COL23A1: variants seen among roughly 807,000 people sequenced by gnomAD.
COL23A1 encodes collagen type XXIII alpha 1 chain, also known as collagen alpha-1(XXIII) chain.
In COL23A1, 97 loss-of-function variants were observed where a neutral mutation model predicts 99.3. The observed-to-expected ratio is 0.98, with a 90% CI of 0.83 to 1.16. COL23A1 has a LOEUF of 1.16. COL23A1 is among the 50% of genes most tolerant of loss of function. The pLI is 0.00. For missense variants in COL23A1, 762 were observed against 757.4 expected (o/e 1.01, Z -0.07); for synonymous variants, 320 against 308.2 (o/e 1.04, Z -0.40).
At chr5:178,582,057 G>A (rs1286972170) in intron 1 of COL23A1, among the ~76,000 whole-genome samples, 2 of 151,700 alleles carry the variant, frequency 1.3e-5, no homozygotes, top group African/African-American at 2.4e-5. Context: ...TGCGGGGCAG[G>A]GGGAACAGGT....
intron 5 of COL23A1, among the ~76,000 whole-genome samples, chr5:178,285,102 C>A (rs1757084853): frequency 1.3e-5 from 2 of 152,214 alleles, no homozygotes; most frequent in South Asian, 4.1e-4. Context: ...ACAGGGCGAG[C>A]CGGGCCCTTG....
Position 178,384,373 on chromosome 5 carries a change from C to T in COL23A1, c.362-77454G>A, listed in dbSNP as rs555977659. The stretch of plus-strand genomic sequence containing the variant: ...CGAGGTGTTGGCTGCTCAGTCTTGA[C>T]ATGAGGTGAAGCCTCAGGAAAGCCC... On this transcript the variant is annotated intron_variant, in intron 2 of 28. Coordinates refer to ENST00000390654, the MANE Select transcript of COL23A1 (RefSeq NM_173465.4). The surrounding 1 kb of genome is among the most constrained non-coding windows in gnomAD (Gnocchi z 5.5). 8.5e-5 allele frequency among the ~76,000 whole-genome samples: 13 copies of T among 152,256 alleles called. No homozygotes were observed. The highest frequency in any genetic ancestry group is 1.8e-4 in the Non-Finnish European group (12 of 68,048).
intron 2 of COL23A1, among the ~76,000 whole-genome samples, chr5:178,493,465 G>A (rs980791570): frequency 7.2e-5 from 11 of 152,202 alleles, no homozygotes; most frequent in Non-Finnish European, 1.5e-4. Context: ...CTCCATCCAC[G>A]TGGGCCACCC....
At chr5:178,575,993 C>G (rs547485) in intron 1 of COL23A1, among the ~76,000 whole-genome samples, 37,804 of 152,118 alleles carry the variant, frequency 0.25, 6,884 homozygotes, top group African/African-American at 0.48. Flanking sequence ...AAACCCAACT[C>G]AAATTGGCCT....
Position 178,306,565 on chromosome 5 carries a change from A to G in COL23A1, c.406+310T>C. Among the ~76,000 whole-genome samples, 1 of 144,106 alleles carries G rather than the reference A, an allele frequency of 6.9e-6. No homozygotes were observed. The allele number at this position is 144,106 out of a possible 152,430, so 94.5% of individuals were successfully genotyped here. A position where few individuals can be genotyped will look rare whatever the true frequency, so the allele number is the denominator to read the frequency against. On this transcript the variant is annotated intron_variant, in intron 3 of 28. Coordinates refer to ENST00000390654, the MANE Select transcript of COL23A1 (RefSeq NM_173465.4). The surrounding 1 kb of genome is among the most constrained non-coding windows in gnomAD (Gnocchi z 4.1). ...GGGGGAGGGTGTGGCTGGCGGAGTCATCACCTTCTGCCTCAGAGAGAGGGG... is the reference window on the plus strand; with the variant it reads ...GGGGGAGGGTGTGGCTGGCGGAGTCGTCACCTTCTGCCTCAGAGAGAGGGG...
At chr5:178,271,603 G>A (rs1756290180) in intron 5 of COL23A1, among the ~76,000 whole-genome samples, 1 of 152,182 alleles carries the variant, frequency 6.6e-6, no homozygotes, top group Admixed American at 6.5e-5. Context: ...GTATTGGATG[G>A]GGCCTGGCAG....
At chr5:178,321,174 T>C (rs1759282597) in intron 2 of COL23A1, among the ~76,000 whole-genome samples, 1 of 152,244 alleles carries the variant, frequency 6.6e-6, no homozygotes, top group South Asian at 2.1e-4. Context: ...TAACCATTCT[T>C]GAGTGGACGG....
rs186725957 is a variant in COL23A1, at chr5:178,312,996, G to A, written c.362-6077C>T. On this transcript the variant is annotated intron_variant, in intron 2 of 28. Coordinates refer to ENST00000390654, the MANE Select transcript of COL23A1 (RefSeq NM_173465.4). ...CAAACAGAACGTGCACTGATACAGC[G>A]GGACGTGAGTCAGCCCTGGAGAGGA... Among the ~76,000 whole-genome samples the A allele has an allele frequency of 3.6e-4, 55 of 152,336 alleles. 1 individual carries two copies. The highest frequency in any genetic ancestry group is 1.3e-3 in the African/African-American group (53 of 41,572).
At chr5:178,292,671 G>T (rs1757524605) in intron 3 of COL23A1, among the ~76,000 whole-genome samples, 1 of 152,192 alleles carries the variant, frequency 6.6e-6, no homozygotes, top group African/African-American at 2.4e-5. Context: ...ACAGCTGGTG[G>T]TGGCAGTGGA....
intron 2 of COL23A1, among the ~76,000 whole-genome samples, chr5:178,496,429 G>A (rs991710878): frequency 2.6e-5 from 4 of 152,164 alleles, no homozygotes; most frequent in Admixed American, 6.5e-5. Flanking sequence ...GGGAAGCCAC[G>A]CTCACTTACT....
At chr5:178,480,761 G>A (rs1467056944) in intron 2 of COL23A1, among the ~76,000 whole-genome samples, 1 of 152,146 alleles carries the variant, frequency 6.6e-6, no homozygotes, top group African/African-American at 2.4e-5. Flanking sequence ...CAACAAGGAT[G>A]CAAAAAGCCT....
At chr5:178,346,109 A>G (rs1258660202) in intron 2 of COL23A1, among the ~76,000 whole-genome samples, 1 of 151,102 alleles carries the variant, frequency 6.6e-6, no homozygotes, top group Non-Finnish European at 1.5e-5. Flanking sequence ...TTCTAGATTA[A>G]TTTCTTTTGG....
At chr5:178,537,768 G>A (rs967401455) in intron 2 of COL23A1, among the ~76,000 whole-genome samples, 24 of 152,258 alleles carry the variant, frequency 1.6e-4, no homozygotes, top group Non-Finnish European at 2.9e-4. Flanking sequence ...TGCGCGGCAC[G>A]ACGTTTAAGT....
chr5:178,317,291 C>T (rs1362324449), intron 2 of COL23A1, among the ~76,000 whole-genome samples: 1 of 152,190 alleles, frequency 6.6e-6, no homozygotes. Flanking sequence ...TCATGTTTCT[C>T]CTTCACTCAT....
rs1766744242 is a variant in COL23A1 at position 178,439,464 on chromosome 5, C to T, written c.361+121218G>A. 1 of 152,332 alleles carries T rather than the reference C, an allele frequency of 6.6e-6. No homozygotes were observed. Among genetic ancestry groups the T allele is most frequent in the Non-Finnish European group, 1.5e-5 (1 of 68,146 alleles). The allele number at this position is 152,332 out of a possible 1,614,324, so 9.4% of individuals were successfully genotyped here. On this transcript the variant is annotated intron_variant, in intron 2 of 28. Coordinates refer to ENST00000390654, the MANE Select transcript of COL23A1 (RefSeq NM_173465.4). This position sits in a 1 kb window ranked among gnomAD's most constrained non-coding sequence, Gnocchi z 4.2. ...GAGCTTTAGCCTAGGACCCAGACTT[C>T]TCCCTCCTGCCTCTTCCTTTCCCTC...
intron 2 of COL23A1, among the ~76,000 whole-genome samples, chr5:178,343,882 C>T (rs529480734): frequency 1.3e-5 from 2 of 152,098 alleles, no homozygotes; most frequent in East Asian, 1.9e-4. Flanking sequence ...AGGATGGTCT[C>T]GATCTCCTGA....
At chr5:178,586,571 T>C (rs1764016398) in intron 1 of COL23A1, among the ~76,000 whole-genome samples, 3 of 148,310 alleles carry the variant, frequency 2.0e-5, no homozygotes, top group Non-Finnish European at 3.0e-5. Context: ...ATTCTAAACA[T>C]GCTACTATTA....
chr5:178,239,125 C>G lies in COL23A1; in HGVS notation c.1620+16G>C. 6.2e-7 allele frequency: 1 copy of G among 1,614,044 alleles called. No homozygotes were observed. Among genetic ancestry groups the G allele is most frequent in the Middle Eastern group, 1.7e-4 (1 of 6,060 alleles). ...GCCTCTCCCAAGCCTGCCCTGGAGACTTCCCTGCACGGTACCTTATGCCAG... is the reference window on the plus strand; with the variant it reads ...GCCTCTCCCAAGCCTGCCCTGGAGAGTTCCCTGCACGGTACCTTATGCCAG... On this transcript the variant is annotated intron_variant, in intron 28 of 28. Transcript: ENST00000390654.
chr5:178,524,282 C>T (rs376080573), intron 2 of COL23A1, among the ~76,000 whole-genome samples: 3 of 152,322 alleles, frequency 2.0e-5, no homozygotes, highest in East Asian at 1.9e-4. Context: ...CACTGTGGCC[C>T]CCCGCAGCTC....
Sources: allele counts gnomAD v4.1 joint callset (sites outside exome capture counted in the v4.1 genomes callset), GRCh38; gene constraint gnomAD v4.1.1; non-coding constraint Gnocchi (gnomAD v3.1); transcripts MANE v1.5; gene names NCBI Gene and HGNC (gene_info 2026-07-23, HGNC 2026-07-21).